The following SMOC2 variants were observed in gnomAD, a reference collection of about 807,000 sequenced individuals.
SMOC2 encodes SPARC related modular calcium binding 2.
In SMOC2, 39 loss-of-function variants were observed where a neutral mutation model predicts 61.4. That is an observed-to-expected ratio of 0.64 (90% CI 0.49 to 0.83). SMOC2 has a LOEUF of 0.83. SMOC2 is among the 40% of genes least tolerant of loss of function. The pLI, the probability that SMOC2 is intolerant of heterozygous loss-of-function variation, is 0.00. For missense variants in SMOC2, 556 were observed against 592.9 expected (o/e 0.94, Z 0.65); for synonymous variants, 247 against 239.9 (o/e 1.03, Z -0.27).
At chr6:168,499,023 A>C in intron 1 of SMOC2, among the ~76,000 whole-genome samples, 2 of 141,980 alleles carry the variant, frequency 1.4e-5, no homozygotes, top group Non-Finnish European at 3.0e-5. Flanking sequence ...GGGTCCTCCC[A>C]GCCCTACGAG....
At chr6:168,509,870 G>T (rs772949518) in intron 1 of SMOC2, 45 bp from the exon 2 acceptor site, 1 of 1,570,150 alleles carries the variant, frequency 6.4e-7, no homozygotes, top group Non-Finnish European at 8.7e-7. Flanking sequence ...CTGCTCTGAA[G>T]AATGTGTCTT....
intron 7 of SMOC2, among the ~76,000 whole-genome samples, chr6:168,566,529 C>G (rs976119488): frequency 1.2e-4 from 17 of 137,074 alleles, no homozygotes; most frequent in African/African-American, 3.9e-4. Flanking sequence ...GTTGCCCAGG[C>G]TGGAGTGCAA....
chr6:168,537,487 A>G (rs1440430776), intron 4 of SMOC2, among the ~76,000 whole-genome samples: 1 of 152,254 alleles, frequency 6.6e-6, no homozygotes, highest in Non-Finnish European at 1.5e-5. Context: ...GTCCTAATAC[A>G]GCACTCTGCA....
At chr6:168,562,991 C>A (rs538640148) in intron 7 of SMOC2, among the ~76,000 whole-genome samples, 12 of 152,366 alleles carry the variant, frequency 7.9e-5, no homozygotes, top group African/African-American at 2.9e-4. Context: ...TAGGCATGCT[C>A]CCCGGAACGG....
intron 7 of SMOC2, among the ~76,000 whole-genome samples, chr6:168,585,659 T>C (rs1040484325): frequency 5.3e-5 from 8 of 152,254 alleles, no homozygotes; most frequent in African/African-American, 1.9e-4. Flanking sequence ...TCAGCTCAGC[T>C]GGCCTGTGGG....
chr6:168,573,601 G>C (rs947330968), intron 7 of SMOC2, among the ~76,000 whole-genome samples: 1 of 152,120 alleles, frequency 6.6e-6, no homozygotes, highest in Non-Finnish European at 1.5e-5. Flanking sequence ...TGCAGGCAGC[G>C]AGCGCCTGCG....
intron 4 of SMOC2, among the ~76,000 whole-genome samples, chr6:168,530,022 G>A (rs747993): frequency 0.68 from 103,643 of 152,140 alleles, 37,460 homozygotes; most frequent in Non-Finnish European, 0.8. Flanking sequence ...TACTAAAATT[G>A]GGCAAATTTC....
intron 9 of SMOC2, among the ~76,000 whole-genome samples, chr6:168,644,632 G>A (rs1786976482): frequency 2.0e-5 from 3 of 148,720 alleles, no homozygotes; most frequent in Admixed American, 1.4e-4. Flanking sequence ...TTGGGTCAAT[G>A]TGAATGCCTT....
At chr6:168,527,966 C>G (rs2115076961) in intron 4 of SMOC2, among the ~76,000 whole-genome samples, 1 of 152,362 alleles carries the variant, frequency 6.6e-6, no homozygotes, top group South Asian at 2.1e-4. Flanking sequence ...GGCCAGCTTA[C>G]TAAAGGAAGA....
chr6:168,635,148 A>G (rs13191217), intron 9 of SMOC2, among the ~76,000 whole-genome samples: 9 of 152,142 alleles, frequency 5.9e-5, no homozygotes, highest in Non-Finnish European at 1.2e-4. Flanking sequence ...CTTCAGAGCT[A>G]TTTTATGGGG....
intron 4 of SMOC2, among the ~76,000 whole-genome samples, chr6:168,542,483 C>A (rs562105903): frequency 1.2e-4 from 18 of 152,292 alleles, no homozygotes; most frequent in African/African-American, 3.9e-4. Context: ...AGATATGCAG[C>A]CTGCAGGGAA....
chr6:168,482,227 T>G (rs900535380), intron 1 of SMOC2, among the ~76,000 whole-genome samples: 13 of 151,660 alleles, frequency 8.6e-5, no homozygotes, highest in South Asian at 4.2e-4. Context: ...AAGAAAGAAA[T>G]AAAAGTGGGA....
At chr6:168,456,932 CAG>C (rs778815585) in intron 1 of SMOC2, among the ~76,000 whole-genome samples, 9 of 152,142 alleles carry the variant, frequency 5.9e-5, no homozygotes, top group Admixed American at 1.3e-4. Flanking sequence ...GGCATGAGCT[CAG>C]GGGAAAAGCA....
At chr6:168,562,994 C>T (rs1309161289) in intron 7 of SMOC2, among the ~76,000 whole-genome samples, 6 of 152,212 alleles carry the variant, frequency 3.9e-5, no homozygotes, top group Admixed American at 6.5e-5. Context: ...GCATGCTCCC[C>T]GGAACGGGGG....
chr6:168,634,363 G>A lies in SMOC2; in HGVS notation c.908-16318G>A, dbSNP rs535965147. On this transcript the variant is annotated intron_variant, in intron 9 of 12. Coordinates refer to ENST00000356284, the MANE Select transcript of SMOC2 (RefSeq NM_001166412.2). ...GCATGGCACAGGACTTATTGCATGC[G>A]ATAATTGTGCATCAAGGGTTGGCTG... is the stretch of plus-strand genomic sequence containing the variant. Among the ~76,000 whole-genome samples the A allele has an allele frequency of 9.8e-5, 15 of 152,290 alleles. No individual in the cohort carries two copies. In the South Asian group the frequency reaches 1.9e-3, roughly 19 times the overall value.
Position 168,642,638 on chromosome 6 carries a change from G to C in SMOC2, c.908-8043G>C, listed in dbSNP as rs1309343013. ...CAGTGTTCCCCATATCAGGGGCCCT[G>C]CAGGTCTAAGGCCAGGCCCTTGAGG... On this transcript the variant is annotated intron_variant, in intron 9 of 12. Transcript: ENST00000356284. 2.6e-5 allele frequency among the ~76,000 whole-genome samples: 4 copies of C among 152,332 alleles called. No individual in the cohort carries two copies. In the East Asian group the frequency reaches 5.8e-4, roughly 22 times the overall value.
intron 7 of SMOC2, among the ~76,000 whole-genome samples, chr6:168,574,992 G>A (rs558069488): frequency 4.6e-5 from 7 of 152,288 alleles, no homozygotes; most frequent in East Asian, 1.9e-4. Context: ...TGCTCCACTC[G>A]AACACTCCTG....
chr6:168,448,894 G>A (rs1053062439), intron 1 of SMOC2, among the ~76,000 whole-genome samples: 1 of 152,094 alleles, frequency 6.6e-6, no homozygotes, highest in African/African-American at 2.4e-5. Flanking sequence ...CCTCAATGGG[G>A]TCCCTGTGTT....
chr6:168,529,961 A>G (rs538273208), intron 4 of SMOC2, among the ~76,000 whole-genome samples: 1 of 152,264 alleles, frequency 6.6e-6, no homozygotes, highest in South Asian at 2.1e-4. Context: ...CAGAATGGCT[A>G]ATCTGCAGTA....
Sources: gnomAD v4.1 joint callset for allele counts (sites outside exome capture counted in the v4.1 genomes callset) on GRCh38, gnomAD v4.1.1 for gene constraint, MANE v1.5 for transcripts, NCBI Gene and HGNC (gene_info 2026-07-23, HGNC 2026-07-21) for gene names.